The following TARBP1 variants were observed in gnomAD, a reference collection of about 807,000 sequenced individuals.
TARBP1 encodes tRNA (guanosine(18)-2'-O)-methyltransferase TARBP1.
TARBP1 carries 144 observed loss-of-function variants against 178.6 expected under a neutral mutation model. The observed-to-expected ratio is 0.81, with a 90% CI of 0.70 to 0.93. The LOEUF is 0.93. TARBP1 is among the 40% of genes least tolerant of loss of function. The pLI is 0.00. For missense variants in TARBP1, 2,067 were observed against 2,011.7 expected (o/e 1.03, Z -0.53); for synonymous variants, 787 against 781.0 (o/e 1.01, Z -0.13).
At chr1:234,398,213 G>T in intron 26 of TARBP1, 169 bp downstream of exon 26, 2 of 424,484 alleles carry the variant, frequency 4.7e-6, no homozygotes, top group South Asian at 7.2e-5. Flanking sequence ...AAAAGTGTTA[G>T]TCAAAGTTAT....
chr1:234,438,138 C>T lies in TARBP1; in HGVS notation c.2135-766G>A, dbSNP rs146532747. Among the ~76,000 whole-genome samples the T allele has an allele frequency of 6.4e-3, 976 of 152,318 alleles. 3 individuals carry two copies. In the Middle Eastern group the frequency reaches 0.068, roughly 11 times the overall value. On this transcript the variant is annotated intron_variant, in intron 12 of 29. Transcript: ENST00000040877. ...CTAAGTCAGAATGTGAGGCCTCAAC[C>T]TAACCAGGTTGACTGTGTACTGGAC...
intron 12 of TARBP1, among the ~76,000 whole-genome samples, chr1:234,441,753 T>C (rs1665618551): frequency 6.6e-6 from 1 of 152,222 alleles, no homozygotes; most frequent in Admixed American, 6.5e-5. Context: ...ATCTATTTTC[T>C]GTCTCTAGAG....
chr1:234,452,787 C>T (rs1455481546), intron 9 of TARBP1, among the ~76,000 whole-genome samples: 1 of 152,080 alleles, frequency 6.6e-6, no homozygotes, highest in Admixed American at 6.5e-5. Context: ...CTTACAACTG[C>T]CAAAACCTGG....
chr1:234,420,138 C>T (rs902851805), intron 21 of TARBP1, among the ~76,000 whole-genome samples: 3 of 152,176 alleles, frequency 2.0e-5, no homozygotes, highest in Non-Finnish European at 4.4e-5. Flanking sequence ...ATCAGATCGT[C>T]CATTCAACTG....
At chr1:234,402,453 T>C (rs1660776757) in intron 24 of TARBP1, among the ~76,000 whole-genome samples, 1 of 152,192 alleles carries the variant, frequency 6.6e-6, no homozygotes, top group South Asian at 2.1e-4. Context: ...TTTTGAAAAG[T>C]TAAAGACATG....
chr1:234,433,696 TC>T lies in TARBP1; in HGVS notation c.2233-126del, dbSNP rs1329613947. On this transcript the variant is annotated intron_variant, in intron 13 of 29. Coordinates refer to ENST00000040877, the MANE Select transcript of TARBP1 (RefSeq NM_005646.4). ...ACAAGACACTGATGAGAAAATAAGT[TC>T]TTTTCTCCAAGCAGCCTTCCATAAC... is the stretch of plus-strand genomic sequence containing the variant. 13 of 923,490 alleles carry T rather than the reference TC, an allele frequency of 1.4e-5. No homozygotes were observed. The African/African-American group carries it at 1.5e-4, about 11-fold the overall frequency. The allele number at this position is 923,490 out of a possible 1,614,324, so 57.2% of individuals were successfully genotyped here.
chr1:234,418,123 G>T lies in TARBP1; in HGVS notation c.3666C>A (p.Phe1222Leu). Residue 1222 changes from phenylalanine (F) to leucine (L), a missense_variant, in exon 22 of 30, where the codon TTC becomes TTA. Transcript: ENST00000040877. ...CCCAGAACTTTGGAAGAAATTGAGG[G>T]AATTTATGAAGAATCAATATAATAA... Reference protein sequence around the residue: ...EWIIILILHKFPQFLPKFWDC... With the variant: ...EWIIILILHKLPQFLPKFWDC... 6.8e-7 allele frequency: 1 copy of T among 1,464,748 alleles called. No individual in the cohort carries two copies. Among genetic ancestry groups the T allele is most frequent in the Non-Finnish European group, 9.1e-7 (1 of 1,099,620 alleles). 90.7% of individuals were successfully genotyped at this position (1,464,748 alleles called of 1,614,324 possible).
At chr1:234,422,919 G>A (rs1031090739) in intron 20 of TARBP1, among the ~76,000 whole-genome samples, 30 of 152,174 alleles carry the variant, frequency 2.0e-4, no homozygotes, top group African/African-American at 6.5e-4. Context: ...GCTGTATCTG[G>A]GCCTTCATTA....
Position 234,415,232 on chromosome 1 carries a change from G to C in TARBP1, c.3705+2852C>G, listed in dbSNP as rs553687931. Among the ~76,000 whole-genome samples the C allele has an allele frequency of 3.9e-5, 6 of 152,244 alleles. No homozygotes were observed. In the East Asian group the frequency reaches 1.2e-3, roughly 29 times the overall value. On this transcript the variant is annotated intron_variant, in intron 22 of 29. Coordinates refer to ENST00000040877, the MANE Select transcript of TARBP1 (RefSeq NM_005646.4). ...GCTGATAGCAACAAATGCCTGAGAA[G>C]ACAGGAGGGAAGAGGGCCAAAGACT...
chr1:234,393,887 T>A (rs1453514850), intron 26 of TARBP1, 50 bp from the exon 27 acceptor site: 1 of 1,373,154 alleles, frequency 7.3e-7, no homozygotes, highest in South Asian at 1.3e-5. Flanking sequence ...TCTGAATCTC[T>A]ATATATTTAT....
chr1:234,477,898 C>G (rs1167253552), intron 1 of TARBP1, among the ~76,000 whole-genome samples: 3 of 152,152 alleles, frequency 2.0e-5, no homozygotes, highest in Non-Finnish European at 4.4e-5. Context: ...TAAAATCTTG[C>G]ACGGGCTCCA....
At chr1:234,412,504 A>C (rs147638474) in intron 22 of TARBP1, among the ~76,000 whole-genome samples, 174 of 151,036 alleles carry the variant, frequency 1.2e-3, no homozygotes, top group Non-Finnish European at 2.3e-3. Flanking sequence ...CACCTCTATA[A>C]AAATTTAAAA....
intron 25 of TARBP1, among the ~76,000 whole-genome samples, chr1:234,399,024 C>G (rs1677635441): frequency 6.6e-6 from 1 of 152,214 alleles, no homozygotes; most frequent in South Asian, 2.1e-4. Context: ...TGACGTTAGG[C>G]AAGTGATTCA....
chr1:234,448,454 T>A (rs933482442), intron 11 of TARBP1, 26 bp downstream of exon 11: 1 of 1,593,150 alleles, frequency 6.3e-7, no homozygotes. Context: ...CAAATAGGCT[T>A]TCTTTTCAAT....
Position 234,425,672 on chromosome 1 carries a change from C to T in TARBP1, c.3444+1G>A. On this transcript the variant is annotated splice_donor_variant, in intron 20 of 29. Transcript: ENST00000040877. LOFTEE classifies it high-confidence loss of function. ...GATAATTTAAAGTAAAATACACTTA[C>T]TTTATCTAATAGCTTGATTGCAAGA... 1 of 1,610,510 alleles carries T rather than the reference C, an allele frequency of 6.2e-7. No individual in the cohort carries two copies. Among genetic ancestry groups the T allele is most frequent in the Non-Finnish European group, 8.5e-7 (1 of 1,178,782 alleles).
rs1665151530 is a variant in TARBP1, at chr1:234,437,514, C to T, written c.2135-142G>A. The T allele has an allele frequency of 2.2e-5, 11 of 490,212 alleles. 1 individual carries two copies. The highest frequency in any genetic ancestry group is 4.1e-5 in the Non-Finnish European group (11 of 268,516). The allele number at this position is 490,212 out of a possible 1,614,324, so 30.4% of individuals were successfully genotyped here. On this transcript the variant is annotated intron_variant, in intron 12 of 29. Transcript: ENST00000040877. ...AAATTGCAATAATATAATAATCATT[C>T]ACCCCATGGGGAAAGCTATACTTAA...
intron 20 of TARBP1, among the ~76,000 whole-genome samples, chr1:234,425,126 G>A (rs2103111312): frequency 6.6e-6 from 1 of 152,172 alleles, no homozygotes; most frequent in African/African-American, 2.4e-5. Flanking sequence ...TCGGGTGGCT[G>A]AGGCAGGAGA....
At chr1:234,462,365 CTTAA>C (rs1352319371) in intron 6 of TARBP1, among the ~76,000 whole-genome samples, 1 of 152,312 alleles carries the variant, frequency 6.6e-6, no homozygotes, top group Admixed American at 6.5e-5. Context: ...AGCCCAGATG[CTTAA>C]TTAAACTCCT....
chr1:234,429,721 G>T (rs1046496906), intron 15 of TARBP1, 44 bp from the exon 16 acceptor site: 2 of 1,469,536 alleles, frequency 1.4e-6, no homozygotes, highest in Non-Finnish European at 9.1e-7. Context: ...TCCCCAATTT[G>T]CCTCCACGTC....
Sources: allele counts gnomAD v4.1 joint callset (sites outside exome capture counted in the v4.1 genomes callset), GRCh38; gene constraint gnomAD v4.1.1; transcripts MANE v1.5; gene names NCBI Gene and HGNC (gene_info 2026-07-23, HGNC 2026-07-21).